Variants in PARD3B observed in about 807,000 individuals in gnomAD.
PARD3B encodes par-3 family cell polarity regulator beta.
Under a neutral mutation model 130.2 loss-of-function variants are expected in PARD3B, and 103 were observed. That is an observed-to-expected ratio of 0.79 (90% CI 0.67 to 0.93). The LOEUF (loss-of-function observed/expected upper bound fraction) is 0.93. Among genes scored for constraint, PARD3B ranks in the 40% least tolerant of loss-of-function variants. The pLI is 0.00. For missense variants in PARD3B, 1,609 were observed against 1,499.2 expected, an observed-to-expected ratio of 1.07 and a Z score of -1.21; for synonymous variants, 583 against 553.2, an observed-to-expected ratio of 1.05 and a Z score of -0.76.
intron 19 of PARD3B, among the ~76,000 whole-genome samples, chr2:205,413,078 G>A (rs993358015): frequency 6.6e-6 from 1 of 152,122 alleles, no homozygotes; most frequent in African/African-American, 2.4e-5. Flanking sequence ...TCAAACTGTT[G>A]GGTTTGAAGC....
intron 4 of PARD3B, among the ~76,000 whole-genome samples, chr2:205,055,285 TC>T (rs1427324680): frequency 1.3e-5 from 2 of 152,216 alleles, no homozygotes; most frequent in African/African-American, 4.8e-5. Context: ...GATTTCTCCT[TC>T]TAAATTTTCC....
intron 3 of PARD3B, among the ~76,000 whole-genome samples, chr2:204,969,555 G>C (rs189711459): frequency 2.6e-5 from 4 of 152,136 alleles, no homozygotes; most frequent in Non-Finnish European, 5.9e-5. Context: ...GTAGGTAATC[G>C]ATATTATTTT....
At chr2:204,644,553 C>T (rs2125158614) in intron 1 of PARD3B, among the ~76,000 whole-genome samples, 1 of 152,092 alleles carries the variant, frequency 6.6e-6, no homozygotes, top group South Asian at 2.1e-4. Flanking sequence ...TATGTGGTCT[C>T]TTTCAAAATT....
At chr2:204,599,175 A>C (rs1028213064) in intron 1 of PARD3B, among the ~76,000 whole-genome samples, 9 of 151,958 alleles carry the variant, frequency 5.9e-5, no homozygotes, top group Non-Finnish European at 7.4e-5. Flanking sequence ...TTAAAAGTCT[A>C]TCATTTCTTT....
chr2:205,153,245 T>A (rs547456781), intron 10 of PARD3B, among the ~76,000 whole-genome samples: 1 of 152,212 alleles, frequency 6.6e-6, no homozygotes, highest in Non-Finnish European at 1.5e-5. Flanking sequence ...AGGGACCCAC[T>A]TGAAGAGGCA....
intron 2 of PARD3B, among the ~76,000 whole-genome samples, chr2:204,951,691 T>A (rs1689786237): frequency 6.6e-6 from 1 of 152,084 alleles, no homozygotes; most frequent in African/African-American, 2.4e-5. Context: ...TACATGAGAG[T>A]GGGATTGTCA....
rs911319527 is a variant in PARD3B at position 205,300,323 on chromosome 2, C to T, written c.2186-207C>T. 2.6e-5 allele frequency among the ~76,000 whole-genome samples: 4 copies of T among 152,142 alleles called. No individual in the cohort carries two copies. Among genetic ancestry groups the T allele is most frequent in the Non-Finnish European group, 2.9e-5 (2 of 68,030 alleles). ...CCTATAGTCATATTAAATTTTATCA[C>T]AGCTTTAGAAAAGGAAACAGAGGCT... On this transcript the variant is annotated intron_variant, in intron 16 of 22. Transcript: ENST00000406610. The surrounding 1 kb of genome is among the most constrained non-coding windows in gnomAD (Gnocchi z 4.1).
chr2:204,736,963 T>C (rs1273604513), intron 2 of PARD3B, among the ~76,000 whole-genome samples: 2 of 152,230 alleles, frequency 1.3e-5, no homozygotes, highest in African/African-American at 4.8e-5. Context: ...TATTTATTTA[T>C]TGAGATGGAG....
At chr2:204,978,630 C>T (rs902552651) in intron 3 of PARD3B, among the ~76,000 whole-genome samples, 29 of 152,108 alleles carry the variant, frequency 1.9e-4, no homozygotes, top group African/African-American at 7.0e-4. Flanking sequence ...ATTGAATGCA[C>T]TTCTTTTTTG....
At chr2:204,732,506 TC>T (rs1368115131) in intron 2 of PARD3B, among the ~76,000 whole-genome samples, 2 of 74,958 alleles carry the variant, frequency 2.7e-5, no homozygotes, top group African/African-American at 7.3e-5. Context: ...AGTAAGGATA[TC>T]TTTTTTTTTT....
intron 2 of PARD3B, among the ~76,000 whole-genome samples, chr2:204,822,742 T>C (rs2043413224): frequency 6.6e-6 from 1 of 152,272 alleles, no homozygotes; most frequent in South Asian, 2.1e-4. Context: ...GTGGAACATA[T>C]TTTTCCTACT....
chr2:204,566,881 CTTTT>C (rs1232686164), intron 1 of PARD3B, among the ~76,000 whole-genome samples: 1 of 140,330 alleles, frequency 7.1e-6, no homozygotes. Context: ...TTCTAAACCT[CTTTT>C]TTTTTTTTTT....
chr2:204,676,339 G>A (rs1197401796), intron 1 of PARD3B, among the ~76,000 whole-genome samples: 3 of 151,924 alleles, frequency 2.0e-5, no homozygotes, highest in Non-Finnish European at 4.4e-5. Flanking sequence ...TGGAATAACG[G>A]GTAGATTGGG....
chr2:204,892,445 T>A (rs978008598), intron 2 of PARD3B, among the ~76,000 whole-genome samples: 7 of 152,236 alleles, frequency 4.6e-5, no homozygotes, highest in African/African-American at 1.7e-4. Flanking sequence ...ATCTATTCAG[T>A]ATGGTAGCCG....
Position 205,322,889 on chromosome 2 carries a change from C to CTTTTT in PARD3B, c.2630+21226_2630+21230dup, listed in dbSNP as rs71032461. On this transcript the variant is annotated intron_variant, in intron 18 of 22. Transcript: ENST00000406610. The stretch of plus-strand genomic sequence containing the variant: ...TGTTGTTATATCATTATTAACACCT[C>CTTTTT]TTTTTTTTTTTTTTTTTTTTTTTTT... Among the ~76,000 whole-genome samples, 89 of 51,468 alleles carry CTTTTT rather than the reference C, an allele frequency of 1.7e-3. 8 individuals are homozygous for CTTTTT. Among genetic ancestry groups the CTTTTT allele is most frequent in the Non-Finnish European group, 2.4e-3 (63 of 26,336 alleles). The allele number at this position is 51,468 out of a possible 152,430, so 33.8% of individuals were successfully genotyped here. A position where few individuals can be genotyped will look rare whatever the true frequency, so the allele number is the denominator to read the frequency against.
intron 1 of PARD3B, among the ~76,000 whole-genome samples, chr2:204,670,969 G>A (rs2036270763): frequency 6.6e-6 from 1 of 152,000 alleles, no homozygotes; most frequent in East Asian, 1.9e-4. Context: ...ATTGCTCCTG[G>A]AGCCCTTCTT....
intron 2 of PARD3B, among the ~76,000 whole-genome samples, chr2:204,791,829 C>T (rs1470956161): frequency 1.3e-5 from 2 of 152,126 alleles, no homozygotes; most frequent in African/African-American, 4.8e-5. Flanking sequence ...CTGGAATTGC[C>T]TAGTTATGAT....
At chr2:205,248,799 A>C (rs79604016) in intron 16 of PARD3B, among the ~76,000 whole-genome samples, 2 of 150,856 alleles carry the variant, frequency 1.3e-5, no homozygotes, top group East Asian at 4.0e-4. Flanking sequence ...AGTAGAGACA[A>C]GGTTTCACCA....
chr2:204,784,643 T>A (rs1240077193), intron 2 of PARD3B, among the ~76,000 whole-genome samples: 1 of 152,234 alleles, frequency 6.6e-6, no homozygotes, highest in Non-Finnish European at 1.5e-5. Context: ...GTACCAAGTT[T>A]AATGTTGTTG....
Sources: gnomAD v4.1 joint callset for allele counts (sites outside exome capture counted in the v4.1 genomes callset) on GRCh38, gnomAD v4.1.1 for gene constraint, Gnocchi (gnomAD v3.1) non-coding constraint, MANE v1.5 for transcripts, NCBI Gene and HGNC (gene_info 2026-07-23, HGNC 2026-07-21) for gene names.